PTK7: variants seen among roughly 807,000 people sequenced by gnomAD.
The protein encoded by PTK7 is protein tyrosine kinase 7 (inactive).
Under a neutral mutation model 116.6 loss-of-function variants are expected in PTK7, and 39 were observed. The ratio of observed to expected loss-of-function variants is 0.33; its 90% CI spans 0.26 to 0.44. PTK7 has a LOEUF of 0.44. Among genes scored for constraint, PTK7 ranks in the 20% least tolerant of loss-of-function variants. The probability of loss-of-function intolerance (pLI) is 1.00; values close to 1 mark genes in which losing one functional copy is unlikely to be tolerated. For missense variants in PTK7, 1,169 were observed against 1,425.6 expected, an observed-to-expected ratio of 0.82 and a Z score of 2.90; for synonymous variants, 546 against 563.6, an observed-to-expected ratio of 0.97 and a Z score of 0.44.
At chr6:43,097,238 C>T (rs1490378649) in intron 1 of PTK7, among the ~76,000 whole-genome samples, 1 of 152,210 alleles carries the variant, frequency 6.6e-6, no homozygotes, top group Non-Finnish European at 1.5e-5. Context: ...GAAGCTAAAC[C>T]TGAAGCCGGT....
At chr6:43,078,889 T>C (rs1766209574) in intron 1 of PTK7, among the ~76,000 whole-genome samples, 1 of 152,212 alleles carries the variant, frequency 6.6e-6, no homozygotes, top group African/African-American at 2.4e-5. Flanking sequence ...TTGGGGAAAT[T>C]GAGTCGTCAT....
At chr6:43,128,923 G>A in intron 1 of PTK7, 54 bp from the exon 2 acceptor site, 1 of 1,545,762 alleles carries the variant, frequency 6.5e-7, no homozygotes, top group Non-Finnish European at 8.8e-7. Flanking sequence ...GCCTGTGTTA[G>A]GACAGAGGCT....
At chr6:43,115,883 G>A (rs1180637453) in intron 1 of PTK7, among the ~76,000 whole-genome samples, 25 of 145,740 alleles carry the variant, frequency 1.7e-4, no homozygotes, top group African/African-American at 5.9e-4. Flanking sequence ...AGCCAAGATC[G>A]CGCCACTGCA....
chr6:43,149,345 C>T (rs933124569), intron 17 of PTK7, among the ~76,000 whole-genome samples: 1 of 152,046 alleles, frequency 6.6e-6, no homozygotes, highest in Non-Finnish European at 1.5e-5. Context: ...GCACTCCAGC[C>T]TGGGCAACAG....
chr6:43,076,755 C>T lies in PTK7; in HGVS notation c.79+188C>T, dbSNP rs1338544950. The T allele has an allele frequency of 4.3e-6, 6 of 1,396,010 alleles. No homozygotes were observed. Among genetic ancestry groups the T allele is most frequent in the South Asian group, 1.6e-5 (1 of 63,548 alleles). The allele number at this position is 1,396,010 out of a possible 1,614,324, so 86.5% of individuals were successfully genotyped here. On this transcript the variant is annotated intron_variant, in intron 1 of 19. Transcript: ENST00000230419. The surrounding 1 kb of genome is among the most constrained non-coding windows in gnomAD (Gnocchi z 5.7). ...GGGTGTCGGGAGGCTGGCGAAGCCT[C>T]CAGGGACGCGGTCAGGGTACCCCTC...
chr6:43,076,902 G>C lies in PTK7; in HGVS notation c.79+335G>C. 2 of 1,512,112 alleles carry C rather than the reference G, an allele frequency of 1.3e-6. No individual in the cohort carries two copies. Among genetic ancestry groups the C allele is most frequent in the Non-Finnish European group, 1.8e-6 (2 of 1,130,442 alleles). 93.7% of individuals were successfully genotyped at this position (1,512,112 alleles called of 1,614,324 possible). ...GGCCCAGATGGGGAGTTTCTTGTCG[G>C]GGGAGAAAAGACCATCCGCACCCAC... On this transcript the variant is annotated intron_variant, in intron 1 of 19. Transcript: ENST00000230419. This position sits in a 1 kb window ranked among gnomAD's most constrained non-coding sequence, Gnocchi z 5.7.
At chr6:43,087,643 G>A (rs976245740) in intron 1 of PTK7, among the ~76,000 whole-genome samples, 3 of 152,200 alleles carry the variant, frequency 2.0e-5, no homozygotes, top group Non-Finnish European at 2.9e-5. Context: ...AAAACTGCCT[G>A]TGTGACCATG....
chr6:43,132,164 G>C lies in PTK7; in HGVS notation c.961G>C (p.Glu321Gln). 1.2e-6 allele frequency: 2 copies of C among 1,608,204 alleles called. No individual in the cohort carries two copies. The highest frequency in any genetic ancestry group is 1.7e-5 in the Admixed American group (1 of 59,768). ...CCTGGAAGCCACACTTCACCTAGCAGGTGAGTCTCTGGGTCTGGGGTGCTG... is the reference window on the plus strand; with the variant it reads ...CCTGGAAGCCACACTTCACCTAGCACGTGAGTCTCTGGGTCTGGGGTGCTG... ...IILEATLHLAEIEDMPLFEPR... is the reference protein window; with the variant it reads ...IILEATLHLAQIEDMPLFEPR... Residue 321 changes from glutamate to glutamine, a missense_variant and splice_region_variant, in exon 6 of 20, where the codon GAG becomes CAG. Coordinates refer to ENST00000230419, the MANE Select transcript of PTK7 (RefSeq NM_002821.5).
At chr6:43,128,413 T>C (rs890465387) in intron 1 of PTK7, among the ~76,000 whole-genome samples, 3 of 152,250 alleles carry the variant, frequency 2.0e-5, no homozygotes, top group Non-Finnish European at 4.4e-5. Flanking sequence ...GTGTTCTGTG[T>C]GCCCCTCTAG....
intron 1 of PTK7, among the ~76,000 whole-genome samples, chr6:43,093,884 C>T (rs181179424): frequency 1.5e-4 from 23 of 152,274 alleles, no homozygotes; most frequent in Admixed American, 1.4e-3. Flanking sequence ...CTTCCTGGAC[C>T]CAAATACCCC....
intron 1 of PTK7, among the ~76,000 whole-genome samples, chr6:43,086,297 G>A (rs1766647661): frequency 6.6e-6 from 1 of 152,210 alleles, no homozygotes; most frequent in South Asian, 2.1e-4. Flanking sequence ...TTCTGTCTGT[G>A]CTGTGGGGAG....
Position 43,088,637 on chromosome 6 carries a change from A to G in PTK7, c.79+12070A>G, listed in dbSNP as rs368228250. On this transcript the variant is annotated intron_variant, in intron 1 of 19. Coordinates refer to ENST00000230419, the MANE Select transcript of PTK7 (RefSeq NM_002821.5). Reference sequence around the variant, plus strand: ...AGCCTGGGAGGCAGAGGTTGCAGTGAGTTGAGATCATGCTACTGCATTCCA... The same window carrying G: ...AGCCTGGGAGGCAGAGGTTGCAGTGGGTTGAGATCATGCTACTGCATTCCA... Among the ~76,000 whole-genome samples the G allele has an allele frequency of 1.3e-5, 2 of 152,224 alleles. 1 individual carries two copies. The highest frequency in any genetic ancestry group is 4.8e-5 in the African/African-American group (2 of 41,520).
chr6:43,085,230 C>G (rs1006805495), intron 1 of PTK7, among the ~76,000 whole-genome samples: 11 of 152,324 alleles, frequency 7.2e-5, no homozygotes, highest in Non-Finnish European at 1.0e-4. Context: ...TGGTTCTTCC[C>G]AGAGACTGTC....
intron 1 of PTK7, among the ~76,000 whole-genome samples, chr6:43,117,946 C>T (rs1021673592): frequency 5.5e-5 from 8 of 146,624 alleles, no homozygotes; most frequent in South Asian, 4.3e-4. Flanking sequence ...AAAAAAAAAA[C>T]GAAAGAAAAG....
intron 1 of PTK7, among the ~76,000 whole-genome samples, chr6:43,086,816 G>A (rs1319870078): frequency 2.0e-5 from 3 of 152,154 alleles, no homozygotes; most frequent in Non-Finnish European, 2.9e-5. Flanking sequence ...CTGCACTCCA[G>A]CCTGGGCACC....
chr6:43,089,803 C>A (rs1028488045), intron 1 of PTK7, among the ~76,000 whole-genome samples: 2 of 152,146 alleles, frequency 1.3e-5, no homozygotes, highest in East Asian at 3.9e-4. Flanking sequence ...ATCCCCCCTC[C>A]CCTTTAGCAA....
chr6:43,105,150 T>C (rs145185318), intron 1 of PTK7, among the ~76,000 whole-genome samples: 1 of 151,858 alleles, frequency 6.6e-6, no homozygotes, highest in East Asian at 1.9e-4. Flanking sequence ...GAGATAATGC[T>C]GGATGTCATT....
At chr6:43,132,718 A>C (rs375556758) in intron 7 of PTK7, 31 bp downstream of exon 7, 1 of 1,552,294 alleles carries the variant, frequency 6.4e-7, no homozygotes, top group African/African-American at 1.4e-5. Context: ...GGTCAAGGAG[A>C]GGTGGAGGGG....
At position 43,143,536 on chromosome 6, in the gene PTK7, A is replaced by T. The variant is rs770557357; in HGVS notation, c.2167A>T (p.Met723Leu). 6 of 1,613,952 alleles carry T rather than the reference A, an allele frequency of 3.7e-6. No homozygotes were observed. The South Asian group carries it at 6.6e-5, about 18-fold the overall frequency. The change falls in exon 14 of 20, where the codon ATG becomes TTG. Residue 723 changes from methionine to leucine, a missense_variant. Transcript: ENST00000230419. The surrounding 1 kb of genome is among the most constrained non-coding windows in gnomAD (Gnocchi z 4.2). Reference sequence around the variant, plus strand: ...CTACATCATTGCCGTGCTGGGCCTCATGTTCTACTGCAAGAAGCGCTGCAA... The same window carrying T: ...CTACATCATTGCCGTGCTGGGCCTCTTGTTCTACTGCAAGAAGCGCTGCAA... The part of the protein sequence containing the change: ...VAYIIAVLGL[M>L]FYCKKRCKAK...
Sources: gnomAD v4.1 joint callset for allele counts (sites outside exome capture counted in the v4.1 genomes callset) on GRCh38, gnomAD v4.1.1 for gene constraint, Gnocchi (gnomAD v3.1) non-coding constraint, MANE v1.5 for transcripts, NCBI Gene and HGNC (gene_info 2026-07-23, HGNC 2026-07-21) for gene names.